TULP3: variants seen among roughly 807,000 people sequenced by gnomAD.
TULP3 encodes tubby-related protein 3.
A neutral mutation model predicts 50.7 loss-of-function variants in TULP3; 38 were observed. That is an observed-to-expected ratio of 0.75 (90% confidence interval 0.58 to 0.98). The LOEUF (loss-of-function observed/expected upper bound fraction) is 0.98, where lower values mean the gene tolerates loss of function less well. Among genes scored for constraint, TULP3 ranks in the 50% least tolerant of loss-of-function variants. The probability of loss-of-function intolerance (pLI) is 0.00; values close to 1 mark genes in which losing one functional copy is unlikely to be tolerated. For missense variants in TULP3, 550 were observed against 568.0 expected (o/e 0.97, Z 0.32); for synonymous variants, 183 against 196.6 (o/e 0.93, Z 0.58).
intron 1 of TULP3, among the ~76,000 whole-genome samples, chr12:2,902,167 T>C (rs897762524): frequency 2.0e-5 from 3 of 152,258 alleles, no homozygotes; most frequent in Non-Finnish European, 4.4e-5. Context: ...TTTACAATTA[T>C]GAATTTCTCT....
chr12:2,922,320 C>T lies in TULP3; in HGVS notation c.312C>T (p.Ser104=), dbSNP rs2098192279. ...ACGAAGTTCATGCTCCATCAGTAAGCTCCTCTGTTGTGGAAGAAGATGCTG... is the reference window on the plus strand; with the variant it reads ...ACGAAGTTCATGCTCCATCAGTAAGTTCCTCTGTTGTGGAAGAAGATGCTG... ...KPDEVHAPSV[S]SSVVEEDAEN... is the part of the protein sequence containing the mutation. Residue 104 remains serine, a synonymous_variant, in exon 4 of 11, where the codon AGC becomes AGT. Coordinates refer to ENST00000448120, the MANE Select transcript of TULP3 (RefSeq NM_003324.5). The T allele has an allele frequency of 6.2e-7, 1 of 1,614,040 alleles. No homozygotes were observed. Among genetic ancestry groups the T allele is most frequent in the African/African-American group, 1.3e-5 (1 of 74,930 alleles).
chr12:2,917,919 C>G (rs2098189634), intron 2 of TULP3, among the ~76,000 whole-genome samples: 2 of 151,170 alleles, frequency 1.3e-5, no homozygotes, highest in South Asian at 4.2e-4. Flanking sequence ...AACCCCATCT[C>G]TACTAAAAAT....
rs983690027 is a variant in TULP3 at position 2,924,102 on chromosome 12, A to G, written c.394+1700A>G. 4.2e-4 allele frequency among the ~76,000 whole-genome samples: 64 copies of G among 152,236 alleles called. 1 individual carries two copies. Among genetic ancestry groups the G allele is most frequent in the African/African-American group, 1.4e-3 (59 of 41,462 alleles). ...TGGTTCCTGCCCTCATGGAGCGCTT[A>G]TTCTAATTGAAGCTTCATGCACTTA... On this transcript the variant is annotated intron_variant, in intron 4 of 10. Coordinates refer to ENST00000448120, the MANE Select transcript of TULP3 (RefSeq NM_003324.5).
rs761451396 is a variant in TULP3, at chr12:2,922,373, C to G, written c.365C>G (p.Pro122Arg). ...AENTVDTASK[P>R]GLQERLQKHD... ...AACACCGTGGATACTGCTTCCAAGC[C>G]AGGACTTCAGGAGCGTCTCCAAAAG... is the stretch of plus-strand genomic sequence containing the variant. The change falls in exon 4 of 11, where the codon CCA (proline) becomes CGA (arginine). Residue 122 changes from proline to arginine, a missense_variant. Coordinates refer to ENST00000448120, the MANE Select transcript of TULP3 (RefSeq NM_003324.5). The G allele has an allele frequency of 6.2e-7, 1 of 1,613,960 alleles. No homozygotes were observed. Among genetic ancestry groups the G allele is most frequent in the Admixed American group, 1.7e-5 (1 of 59,948 alleles).
chr12:2,918,372 A>C (rs1416156133), intron 2 of TULP3, among the ~76,000 whole-genome samples: 1 of 151,756 alleles, frequency 6.6e-6, no homozygotes, highest in African/African-American at 2.4e-5. Context: ...TCGACCTCCC[A>C]AACTGCTGGG....
intron 6 of TULP3, 60 bp from the exon 7 acceptor site, chr12:2,933,358 A>AC: frequency 9.9e-7 from 1 of 1,013,458 alleles, no homozygotes; most frequent in Non-Finnish European, 1.6e-6. Context: ...GACAACCATG[A>AC]CCAGAGGTGG....
In TULP3 at chr12:2,936,944, A is replaced by G. The variant is rs560091198; in HGVS notation, c.925-687A>G. Among the ~76,000 whole-genome samples the G allele has an allele frequency of 2.0e-5, 3 of 151,510 alleles. No individual in the cohort carries two copies. In the South Asian group the frequency reaches 6.2e-4, roughly 32 times the overall value. ...AACTTGGTGAAACCCCGTCTCTACT[A>G]AAAATACAAAAAATAATTAGCCAGG... On this transcript the variant is annotated intron_variant, in intron 8 of 10. Coordinates refer to ENST00000448120, the MANE Select transcript of TULP3 (RefSeq NM_003324.5).
At chr12:2,937,200 AT>A (rs771074689) in intron 8 of TULP3, among the ~76,000 whole-genome samples, 125 of 54,418 alleles carry the variant, frequency 2.3e-3, no homozygotes, top group African/African-American at 6.3e-3. Context: ...GGTACACCTG[AT>A]TTTTTTTTTT....
chr12:2,920,851 AGC>A lies in TULP3; in HGVS notation c.183_184del (p.Lys61AsnfsTer5). 6.2e-7 allele frequency: 1 copy of A among 1,614,182 alleles called. No individual in the cohort carries two copies. Among genetic ancestry groups the A allele is most frequent in the Non-Finnish European group, 8.5e-7 (1 of 1,180,034 alleles). On this transcript the variant is annotated frameshift_variant, in exon 3 of 11. Transcript: ENST00000448120. LOFTEE classifies it high-confidence loss of function. ...CCAGAAGCCAGGCTACGTCGGGCAA[AGC>A]CAAGGGCCAGTGATGAGCAGACTCC...
At position 2,940,781 on chromosome 12, in the gene TULP3, C is replaced by T. The variant is rs1003747499; in HGVS notation, c.*1337C>T. The T allele has an allele frequency of 6.3e-6, 9 of 1,439,136 alleles. No individual in the cohort carries two copies. Among genetic ancestry groups the T allele is most frequent in the Non-Finnish European group, 8.5e-6 (9 of 1,061,470 alleles). 89.1% of individuals were successfully genotyped at this position (1,439,136 alleles called of 1,614,324 possible). A position where few individuals can be genotyped will look rare whatever the true frequency, so the allele number is the denominator to read the frequency against. On this transcript the variant is annotated 3_prime_UTR_variant, in exon 11 of 11. Transcript: ENST00000448120. The stretch of plus-strand genomic sequence containing the variant: ...TTGGCTTGTCCCCCACCGACAAGTC[C>T]CACCTGCTGGGTGAGGACGAGACTG...
intron 6 of TULP3, 45 bp downstream of exon 6, chr12:2,931,285 T>A: frequency 6.3e-7 from 1 of 1,589,904 alleles, no homozygotes; most frequent in Non-Finnish European, 8.6e-7. Flanking sequence ...GAGAGAAGAA[T>A]GTTGTGGGAA....
intron 1 of TULP3, among the ~76,000 whole-genome samples, chr12:2,908,135 T>C (rs1337098058): frequency 6.6e-6 from 1 of 152,170 alleles, no homozygotes; most frequent in Non-Finnish European, 1.5e-5. Flanking sequence ...CCTTCTAAAA[T>C]GTAGGAATAT....
At chr12:2,898,717 T>A (rs1439316657) in intron 1 of TULP3, among the ~76,000 whole-genome samples, 2 of 152,152 alleles carry the variant, frequency 1.3e-5, no homozygotes, top group African/African-American at 4.8e-5. Context: ...GTTCTCACTA[T>A]GTGCCCAGGC....
intron 1 of TULP3, among the ~76,000 whole-genome samples, chr12:2,907,194 C>T (rs1325433694): frequency 1.3e-5 from 2 of 151,914 alleles, no homozygotes; most frequent in African/African-American, 2.4e-5. Context: ...AAAAATTGGC[C>T]GGGTACGATG....
At chr12:2,926,154 G>T (rs1183458901) in intron 4 of TULP3, among the ~76,000 whole-genome samples, 2 of 152,184 alleles carry the variant, frequency 1.3e-5, no homozygotes, top group African/African-American at 4.8e-5. Context: ...AATAGGTGAA[G>T]ATAGCCATAC....
intron 4 of TULP3, among the ~76,000 whole-genome samples, chr12:2,924,142 A>G (rs1313961066): frequency 6.6e-6 from 1 of 152,216 alleles, no homozygotes; most frequent in Non-Finnish European, 1.5e-5. Flanking sequence ...GGCTAGAGCT[A>G]GAAAATCAAG....
At chr12:2,895,340 G>A (rs1317201026) in intron 1 of TULP3, among the ~76,000 whole-genome samples, 1 of 152,146 alleles carries the variant, frequency 6.6e-6, no homozygotes, top group East Asian at 1.9e-4. Context: ...CTTCAATTAA[G>A]TTAGCTCCAG....
chr12:2,938,825 G>C (rs1330810030), intron 10 of TULP3, among the ~76,000 whole-genome samples: 1 of 151,958 alleles, frequency 6.6e-6, no homozygotes, highest in East Asian at 1.9e-4. Flanking sequence ...AGGTTGTTTG[G>C]GAAACAAAGG....
chr12:2,933,246 G>A (rs901971220), intron 6 of TULP3, among the ~76,000 whole-genome samples, 172 bp from the exon 7 acceptor site: 1 of 152,122 alleles, frequency 6.6e-6, no homozygotes, highest in Non-Finnish European at 1.5e-5. Context: ...CTGCCTGATA[G>A]TGAATTCTGA....
Sources: allele counts gnomAD v4.1 joint callset (sites outside exome capture counted in the v4.1 genomes callset), GRCh38; gene constraint gnomAD v4.1.1; transcripts MANE v1.5; gene names NCBI Gene and HGNC (gene_info 2026-07-23, HGNC 2026-07-21).